The following NRXN1 variants were observed in gnomAD, a reference collection of about 807,000 sequenced individuals.
The protein encoded by NRXN1 is neurexin-1.
NRXN1 carries 39 observed loss-of-function variants against 150.9 expected under a neutral mutation model. That is an observed-to-expected ratio of 0.26 (90% CI 0.20 to 0.34). NRXN1 has a LOEUF of 0.34. Among genes scored for constraint, NRXN1 ranks in the 10% least tolerant of loss-of-function variants. The pLI, the probability that NRXN1 is intolerant of heterozygous loss-of-function variation, is 1.00. For synonymous variants in NRXN1, 924 were observed against 757.0 expected, an observed-to-expected ratio of 1.22 and a Z score of -3.62; for missense variants, 1,815 against 1,949.9, an observed-to-expected ratio of 0.93 and a Z score of 1.30.
At chr2:49,936,354 A>G (rs180804638) in intron 22 of NRXN1, among the ~76,000 whole-genome samples, 6 of 152,306 alleles carry the variant, frequency 3.9e-5, no homozygotes, top group Admixed American at 3.9e-4. Flanking sequence ...ACAAGGCAGA[A>G]TAATGCCTCC....
intron 16 of NRXN1, among the ~76,000 whole-genome samples, chr2:50,470,379 C>G (rs1558786686): frequency 6.6e-6 from 1 of 151,548 alleles, no homozygotes. Context: ...GCCAAAATAT[C>G]AAATAAAGAA....
At chr2:50,325,596 C>T (rs1185916146) in intron 17 of NRXN1, among the ~76,000 whole-genome samples, 1 of 152,242 alleles carries the variant, frequency 6.6e-6, no homozygotes, top group Non-Finnish European at 1.5e-5. Flanking sequence ...ATTTTCCTAA[C>T]TCCAAGTCTA....
chr2:50,229,285 G>A (rs146832609), intron 18 of NRXN1, among the ~76,000 whole-genome samples: 18 of 151,548 alleles, frequency 1.2e-4, no homozygotes, highest in Non-Finnish European at 2.2e-4. Context: ...TTTTGTAACC[G>A]CTACTGCCAT....
At chr2:50,013,670 C>A (rs563822071) in intron 21 of NRXN1, among the ~76,000 whole-genome samples, 1 of 151,994 alleles carries the variant, frequency 6.6e-6, no homozygotes, top group Non-Finnish European at 1.5e-5. Flanking sequence ...TTATAATCTG[C>A]GGAACCCAGG....
In NRXN1 at chr2:50,389,336, A is replaced by T. The variant is rs548095748; in HGVS notation, c.3364+76106T>A. Among the ~76,000 whole-genome samples the T allele has an allele frequency of 2.0e-3, 300 of 150,528 alleles. 1 individual carries two copies. Among genetic ancestry groups the T allele is most frequent in the African/African-American group, 7.0e-3 (285 of 40,872 alleles). ...AAATATGGAATAAAATATGAACACC[A>T]TTTAGTCCAATGATAATTCTTACAT... On this transcript the variant is annotated intron_variant, in intron 17 of 22. Transcript: ENST00000401669.
At chr2:50,030,578 G>T (rs920064931) in intron 21 of NRXN1, among the ~76,000 whole-genome samples, 15 of 152,106 alleles carry the variant, frequency 9.9e-5, no homozygotes, top group African/African-American at 3.4e-4. Context: ...CTTCAGAGTT[G>T]AGTTCAGTTT....
At chr2:50,149,962 T>TG (rs2058600206) in intron 18 of NRXN1, among the ~76,000 whole-genome samples, 1 of 151,748 alleles carries the variant, frequency 6.6e-6, no homozygotes, top group Non-Finnish European at 1.5e-5. Context: ...TGATGCCAAA[T>TG]GAAAGTGGGA....
intron 2 of NRXN1, among the ~76,000 whole-genome samples, chr2:50,986,485 A>G (rs1057363459): frequency 6.6e-6 from 1 of 151,764 alleles, no homozygotes; most frequent in African/African-American, 2.4e-5. Flanking sequence ...ATGCCAGAAA[A>G]TACTGCGCAG....
At chr2:50,123,246 T>C (rs1269294894) in intron 18 of NRXN1, among the ~76,000 whole-genome samples, 2 of 152,060 alleles carry the variant, frequency 1.3e-5, no homozygotes, top group Non-Finnish European at 2.9e-5. Context: ...GTAAAAGAAG[T>C]GAGCAGGTGG....
At chr2:50,682,754 G>T (rs751654861) in intron 5 of NRXN1, among the ~76,000 whole-genome samples, 1 of 152,080 alleles carries the variant, frequency 6.6e-6, no homozygotes. Flanking sequence ...AACAGTACGT[G>T]TCACATTCTA....
chr2:49,979,449 A>G (rs1388180540), intron 21 of NRXN1, among the ~76,000 whole-genome samples: 3 of 152,214 alleles, frequency 2.0e-5, no homozygotes, highest in Admixed American at 2.0e-4. Context: ...AAATATTCCA[A>G]TGAGTATTTA....
At chr2:50,506,470 A>G in intron 13 of NRXN1, 25 bp downstream of exon 13, 1 of 1,600,760 alleles carries the variant, frequency 6.2e-7, no homozygotes, top group Non-Finnish European at 8.5e-7. Context: ...AGCATAGGAA[A>G]AGACAATGGG....
intron 21 of NRXN1, among the ~76,000 whole-genome samples, chr2:49,967,475 C>T (rs1316255810): frequency 6.6e-6 from 1 of 152,036 alleles, no homozygotes; most frequent in East Asian, 1.9e-4. Flanking sequence ...CCTACAAATT[C>T]CTCCCCACTT....
Position 50,176,085 on chromosome 2 carries a change from C to A in NRXN1, c.3546+60704G>T, listed in dbSNP as rs1316560672. The stretch of plus-strand genomic sequence containing the variant: ...AGTTAGAAGGATGGAAAAGCTATGA[C>A]TTCTAGTATTAGCACTGACCTAGTT... On this transcript the variant is annotated intron_variant, in intron 18 of 22. Transcript: ENST00000401669. 2.6e-5 allele frequency among the ~76,000 whole-genome samples: 4 copies of A among 152,090 alleles called. No individual in the cohort carries two copies. In the East Asian group the frequency reaches 7.7e-4, roughly 29 times the overall value.
intron 2 of NRXN1, among the ~76,000 whole-genome samples, chr2:50,986,486 T>G (rs895988540): frequency 6.6e-6 from 1 of 151,656 alleles, no homozygotes; most frequent in Admixed American, 6.6e-5. Flanking sequence ...TGCCAGAAAA[T>G]ACTGCGCAGA....
chr2:50,868,851 T>A (rs1677348211), intron 5 of NRXN1, among the ~76,000 whole-genome samples: 1 of 151,836 alleles, frequency 6.6e-6, no homozygotes, highest in Admixed American at 6.6e-5. Context: ...AAGTATAAAT[T>A]GTAGGATTAC....
intron 2 of NRXN1, among the ~76,000 whole-genome samples, chr2:50,986,885 G>A (rs917235001): frequency 9.9e-5 from 15 of 151,598 alleles, no homozygotes; most frequent in African/African-American, 2.4e-4. Context: ...GTATATATGC[G>A]TAAATGTACA....
chr2:49,996,693 G>A (rs1380473014), intron 21 of NRXN1, among the ~76,000 whole-genome samples: 7 of 152,142 alleles, frequency 4.6e-5, no homozygotes, highest in Non-Finnish European at 8.8e-5. Flanking sequence ...AGGAATGCAG[G>A]TGGCTTCTAG....
chr2:50,597,339 A>T (rs1675410280), intron 8 of NRXN1, among the ~76,000 whole-genome samples: 1 of 152,180 alleles, frequency 6.6e-6, no homozygotes, highest in African/African-American at 2.4e-5. Flanking sequence ...CTACTACAGC[A>T]GCCTGAGGAT....
Sources: allele counts gnomAD v4.1 joint callset (sites outside exome capture counted in the v4.1 genomes callset), GRCh38; gene constraint gnomAD v4.1.1; transcripts MANE v1.5; gene names NCBI Gene and HGNC (gene_info 2026-07-23, HGNC 2026-07-21).